The following FAM193A variants were observed in gnomAD, a reference collection of about 807,000 sequenced individuals.
The protein encoded by FAM193A is family with sequence similarity 193 member A.
Under a neutral mutation model 126.5 loss-of-function variants are expected in FAM193A, and 22 were observed. The ratio of observed to expected loss-of-function variants is 0.17; its 90% confidence interval spans 0.12 to 0.25. The LOEUF (loss-of-function observed/expected upper bound fraction) is 0.25, where lower values mean the gene tolerates loss of function less well. Ranked by LOEUF, FAM193A falls within the 10% of genes least tolerant of loss-of-function variation. The pLI, the probability that FAM193A is intolerant of heterozygous loss-of-function variation, is 1.00. For missense variants in FAM193A, 1,675 were observed against 1,672.8 expected, an observed-to-expected ratio of 1.00 and a Z score of -0.02; for synonymous variants, 761 against 646.8, an observed-to-expected ratio of 1.18 and a Z score of -2.68.
intron 1 of FAM193A, among the ~76,000 whole-genome samples, chr4:2,570,852 C>G (rs1739251540): frequency 6.6e-6 from 1 of 152,180 alleles, no homozygotes; most frequent in Non-Finnish European, 1.5e-5. Flanking sequence ...ACAGATGGGC[C>G]TTACTCAGGT....
intron 1 of FAM193A, among the ~76,000 whole-genome samples, chr4:2,585,721 G>T (rs960372032): frequency 6.6e-6 from 1 of 152,118 alleles, no homozygotes; most frequent in African/African-American, 2.4e-5. Context: ...GAGGTCAGGC[G>T]TTCAAGACGA....
At chr4:2,661,184 G>A (rs750676972) in intron 10 of FAM193A, among the ~76,000 whole-genome samples, 3 of 152,158 alleles carry the variant, frequency 2.0e-5, no homozygotes, top group Non-Finnish European at 4.4e-5. Context: ...CACCAGTTAC[G>A]GGGAGCCTAG....
chr4:2,655,203 A>G, intron 7 of FAM193A: 1 of 587,510 alleles, frequency 1.7e-6, no homozygotes, highest in East Asian at 2.8e-5. Context: ...AAAGAAGTTT[A>G]CCTTTATTTC....
chr4:2,663,480 G>T (rs936815880), intron 12 of FAM193A, among the ~76,000 whole-genome samples, 192 bp downstream of exon 12: 1 of 151,768 alleles, frequency 6.6e-6, no homozygotes, highest in African/African-American at 2.4e-5. Context: ...TCTTGATTTC[G>T]CAACACCCCA....
rs990427318 is a variant in FAM193A, at chr4:2,696,501, G to T, written c.3415G>T (p.Val1139Leu). 7.4e-6 allele frequency: 12 copies of T among 1,614,134 alleles called. No individual in the cohort carries two copies. Among genetic ancestry groups the T allele is most frequent in the African/African-American group, 5.3e-5 (4 of 74,940 alleles). ...GGAAAGCGTCGTTGACCATCGGAGG[G>T]TGGAGGATTTGTTGCAGTTTATAAA... ...ERESVVDHRR[V>L]EDLLQFINSS... Residue 1139 changes from valine (V) to leucine (L), a missense_variant, in exon 18 of 21, where the codon GTG becomes TTG. This residue lies in a region of FAM193A where 54 missense variants were observed against 114.8 expected (regional missense o/e 0.47). Transcript: ENST00000637812.
intron 13 of FAM193A, among the ~76,000 whole-genome samples, chr4:2,679,040 T>C (rs1714781718): frequency 6.6e-6 from 1 of 152,234 alleles, no homozygotes; most frequent in Non-Finnish European, 1.5e-5. Context: ...CACCATTGTT[T>C]GCTGTGGGTT....
intron 1 of FAM193A, among the ~76,000 whole-genome samples, chr4:2,546,439 T>C (rs1737558751): frequency 6.9e-6 from 1 of 143,952 alleles, no homozygotes; most frequent in African/African-American, 3.0e-5. Context: ...ACTCCTAAAG[T>C]CTTGGCAGCC....
chr4:2,719,740 CAAAAAA>C (rs369345535), intron 20 of FAM193A, among the ~76,000 whole-genome samples: 1 of 102,450 alleles, frequency 9.8e-6, no homozygotes, highest in Non-Finnish European at 1.9e-5. Flanking sequence ...GAGACACTCT[CAAAAAA>C]AAAAAAAAAA....
At chr4:2,695,817 G>A (rs1300988178) in intron 17 of FAM193A, among the ~76,000 whole-genome samples, 2 of 152,146 alleles carry the variant, frequency 1.3e-5, no homozygotes, top group Non-Finnish European at 2.9e-5. Flanking sequence ...GCCTGTAATA[G>A]CAGCACTTTG....
At chr4:2,610,879 A>G (rs1009276995) in intron 2 of FAM193A, among the ~76,000 whole-genome samples, 1 of 151,982 alleles carries the variant, frequency 6.6e-6, no homozygotes, top group Admixed American at 6.6e-5. Flanking sequence ...CTGAGATTAC[A>G]GGCATGCACC....
chr4:2,611,776 G>A (rs967444727), intron 2 of FAM193A, among the ~76,000 whole-genome samples: 8 of 151,622 alleles, frequency 5.3e-5, no homozygotes, highest in African/African-American at 1.9e-4. Context: ...GCGTGTGACT[G>A]GCATTTTCAT....
chr4:2,677,068 AGT>A (rs1404969162), intron 13 of FAM193A, among the ~76,000 whole-genome samples: 2 of 152,010 alleles, frequency 1.3e-5, no homozygotes, highest in Non-Finnish European at 2.9e-5. Context: ...CTCTCCTAAG[AGT>A]TTTGTTCTTT....
chr4:2,578,869 A>AG (rs376313213), intron 1 of FAM193A, among the ~76,000 whole-genome samples: 1 of 151,474 alleles, frequency 6.6e-6, no homozygotes, highest in Non-Finnish European at 1.5e-5. Context: ...CTAGGCTGAG[A>AG]GAGGAGGAGG....
intron 1 of FAM193A, among the ~76,000 whole-genome samples, chr4:2,565,238 A>G (rs1738865967): frequency 6.9e-6 from 1 of 145,416 alleles, no homozygotes; most frequent in Non-Finnish European, 1.5e-5. Flanking sequence ...CTGGATATAC[A>G]CAATGATAGA....
At chr4:2,573,881 G>A (rs976354642) in intron 1 of FAM193A, among the ~76,000 whole-genome samples, 2 of 152,136 alleles carry the variant, frequency 1.3e-5, no homozygotes, top group Admixed American at 6.6e-5. Flanking sequence ...TTTATCTGGG[G>A]GAAGAAGTTT....
chr4:2,653,739 G>A (rs551757110), intron 7 of FAM193A, among the ~76,000 whole-genome samples: 1 of 152,310 alleles, frequency 6.6e-6, no homozygotes, highest in African/African-American at 2.4e-5. Context: ...ACCATGCCCA[G>A]CCAGGAGATG....
At chr4:2,653,811 G>T (rs1745909844) in intron 7 of FAM193A, among the ~76,000 whole-genome samples, 1 of 152,206 alleles carries the variant, frequency 6.6e-6, no homozygotes, top group African/African-American at 2.4e-5. Flanking sequence ...TAATACAATT[G>T]AGGGAAATTG....
In FAM193A at chr4:2,536,970, G is replaced by T; in HGVS notation, c.55G>T (p.Gly19Cys). Residue 19 changes from glycine to cysteine, a missense_variant, in exon 1 of 21, where the codon GGC (glycine) becomes TGC (cysteine). Gly to Cys is a radical substitution (Grantham distance 159). Around this residue, in one of 4 missense-constraint regions of FAM193A, gnomAD observed 1,186 missense variants for 1,109.2 expected, o/e 1.07. Coordinates refer to ENST00000637812, the MANE Select transcript of FAM193A (RefSeq NM_001366318.2). ...GAKRRKNKRG[G>C]GGGSGGGNGG... is the part of the protein sequence containing the mutation. ...CAAGCGCCGGAAGAACAAGCGGGGC[G>T]GCGGCGGCGGCTCGGGCGGGGGTAA... The T allele has an allele frequency of 6.7e-6, 1 of 149,202 alleles. No individual in the cohort carries two copies. The highest frequency in any genetic ancestry group is 1.8e-4 in the South Asian group (1 of 5,646). The allele number at this position is 149,202 out of a possible 1,614,324, so 9.2% of individuals were successfully genotyped here.
intron 1 of FAM193A, among the ~76,000 whole-genome samples, chr4:2,573,435 C>T (rs1218258468): frequency 1.3e-5 from 2 of 151,770 alleles, no homozygotes; most frequent in East Asian, 1.9e-4. Flanking sequence ...ATCACTTGAA[C>T]CCAGGAGGCG....
Sources: gnomAD v4.1 joint callset for allele counts (sites outside exome capture counted in the v4.1 genomes callset) on GRCh38, gnomAD v4.1.1 for gene constraint, gnomAD v4.1.1 regional missense constraint, MANE v1.5 for transcripts, NCBI Gene and HGNC (gene_info 2026-07-23, HGNC 2026-07-21) for gene names.